The following CADM2 variants were observed in gnomAD, a reference collection of about 807,000 sequenced individuals.
CADM2 encodes the protein immunoglobulin superfamily member 4D.
Under a neutral mutation model 49.8 loss-of-function variants are expected in CADM2, and 12 were observed. The observed-to-expected ratio is 0.24, with a 90% CI of 0.15 to 0.39. The LOEUF (loss-of-function observed/expected upper bound fraction) is 0.39. Ranked by LOEUF, CADM2 falls within the 10% of genes least tolerant of loss-of-function variation. CADM2 has a pLI of 1.00. For missense variants in CADM2, 378 were observed against 492.3 expected, an observed-to-expected ratio of 0.77 and a Z score of 2.20; for synonymous variants, 214 against 175.4, an observed-to-expected ratio of 1.22 and a Z score of -1.74.
At chr3:85,948,145 T>C (rs916237659) in intron 7 of CADM2, among the ~76,000 whole-genome samples, 6 of 151,536 alleles carry the variant, frequency 4.0e-5, no homozygotes, top group African/African-American at 1.5e-4. Context: ...CTCTTTAAAG[T>C]TTGGAAACAT....
chr3:85,810,805 G>C (rs1490068770), intron 3 of CADM2, among the ~76,000 whole-genome samples: 4 of 152,116 alleles, frequency 2.6e-5, no homozygotes, highest in African/African-American at 9.7e-5. Flanking sequence ...CTCCCCAAGT[G>C]CTGGGATTAC....
chr3:85,541,724 A>G (rs1203487935), intron 1 of CADM2, among the ~76,000 whole-genome samples: 2 of 134,982 alleles, frequency 1.5e-5, no homozygotes, highest in Non-Finnish European at 3.1e-5. Flanking sequence ...TATATTATAT[A>G]TATATATTTT....
intron 1 of CADM2, among the ~76,000 whole-genome samples, chr3:85,243,442 G>A (rs926232894): frequency 6.6e-6 from 1 of 151,970 alleles, no homozygotes; most frequent in Non-Finnish European, 1.5e-5. Flanking sequence ...TGATTATAGG[G>A]TCATTTCCAA....
At chr3:85,791,282 G>A (rs1406836966) in intron 2 of CADM2, among the ~76,000 whole-genome samples, 1 of 152,050 alleles carries the variant, frequency 6.6e-6, no homozygotes, top group Admixed American at 6.6e-5. Flanking sequence ...GCTTTAGAAT[G>A]CAATATGTGC....
intron 1 of CADM2, among the ~76,000 whole-genome samples, chr3:85,613,120 G>A (rs912335877): frequency 6.6e-6 from 1 of 151,734 alleles, no homozygotes; most frequent in Non-Finnish European, 1.5e-5. Context: ...TTCATGATGT[G>A]AAAAGCTCTT....
At position 84,959,019 on chromosome 3, in the gene CADM2, C is replaced by T; in HGVS notation, c.-589C>T. On this transcript the variant is annotated 5_prime_UTR_variant, in exon 1 of 10. Transcript: ENST00000383699. The stretch of plus-strand genomic sequence containing the variant: ...GCTGCCGCCGTCGCCGCTGCCGCTG[C>T]CGCCACAGCCGCCGCTGCAGCCGGA... 1.5e-5 allele frequency: 3 copies of T among 201,850 alleles called. No individual in the cohort carries two copies. The highest frequency in any genetic ancestry group is 6.8e-5 in the South Asian group (1 of 14,610). The allele number at this position is 201,850 out of a possible 1,614,324, so 12.5% of individuals were successfully genotyped here. A position where few individuals can be genotyped will look rare whatever the true frequency, so the allele number is the denominator to read the frequency against.
intron 1 of CADM2, among the ~76,000 whole-genome samples, chr3:85,439,399 C>T (rs898461360): frequency 1.3e-5 from 2 of 149,716 alleles, no homozygotes; most frequent in East Asian, 2.0e-4. Context: ...CTGATTTGCC[C>T]GCCTCGGCCT....
chr3:85,164,840 C>T (rs916128281), intron 1 of CADM2, among the ~76,000 whole-genome samples: 3 of 151,826 alleles, frequency 2.0e-5, no homozygotes, highest in Admixed American at 2.0e-4. Context: ...AAATTAAAAT[C>T]GTGCTTTCAA....
In CADM2 at chr3:85,812,397, G is replaced by A. The variant is rs9878265; in HGVS notation, c.238+10201G>A. 2.7e-3 allele frequency among the ~76,000 whole-genome samples: 404 copies of A among 152,118 alleles called. 1 individual carries two copies. Among genetic ancestry groups the A allele is most frequent in the African/African-American group, 9.4e-3 (390 of 41,508 alleles). ...ATGTACCATTTGTCAAATATAAAGA[G>A]TAACAATGTACTGCACCGGGGCCTA... On this transcript the variant is annotated intron_variant, in intron 3 of 9. Transcript: ENST00000383699.
intron 1 of CADM2, among the ~76,000 whole-genome samples, chr3:85,403,020 T>A (rs757455845): frequency 7.2e-5 from 11 of 152,172 alleles, no homozygotes; most frequent in Non-Finnish European, 1.5e-4. Flanking sequence ...ACGGTAAACA[T>A]ACCTGAAAGG....
chr3:85,527,170 G>T lies in CADM2; in HGVS notation c.62-199352G>T, dbSNP rs563023408. ...GGATGCCAGGAAAGTAGGATAGCTTGCAGTGAGAAATTTGAGACCAGACTG... is the reference window on the plus strand; with the variant it reads ...GGATGCCAGGAAAGTAGGATAGCTTTCAGTGAGAAATTTGAGACCAGACTG... On this transcript the variant is annotated intron_variant, in intron 1 of 9. Transcript: ENST00000383699. 7.9e-5 allele frequency among the ~76,000 whole-genome samples: 12 copies of T among 152,080 alleles called. No individual in the cohort carries two copies. In the South Asian group the frequency reaches 2.3e-3, roughly 29 times the overall value.
intron 1 of CADM2, among the ~76,000 whole-genome samples, chr3:85,193,804 G>A (rs2041271159): frequency 6.6e-6 from 1 of 152,062 alleles, no homozygotes; most frequent in Non-Finnish European, 1.5e-5. Context: ...GTGACATAAA[G>A]GATCTTTTAA....
intron 1 of CADM2, among the ~76,000 whole-genome samples, chr3:85,235,354 A>G (rs149430291): frequency 6.6e-6 from 1 of 152,178 alleles, no homozygotes; most frequent in African/African-American, 2.4e-5. Flanking sequence ...TGATAAATAA[A>G]TTTGTACTGC....
At chr3:85,625,628 T>A (rs1455046611) in intron 1 of CADM2, among the ~76,000 whole-genome samples, 2 of 152,014 alleles carry the variant, frequency 1.3e-5, no homozygotes, top group Non-Finnish European at 2.9e-5. Context: ...CTATACATAA[T>A]ATTGATTGGC....
chr3:85,874,708 A>G (rs1711568596), intron 3 of CADM2, among the ~76,000 whole-genome samples: 1 of 152,064 alleles, frequency 6.6e-6, no homozygotes, highest in Non-Finnish European at 1.5e-5. Flanking sequence ...ACCAAAATAT[A>G]TTTTCTCAAG....
At chr3:85,985,856 A>G (rs1180238291) in intron 8 of CADM2, among the ~76,000 whole-genome samples, 4 of 152,022 alleles carry the variant, frequency 2.6e-5, no homozygotes, top group African/African-American at 9.7e-5. Flanking sequence ...ACTTTGGGCC[A>G]TTGTTGAAAG....
intron 7 of CADM2, among the ~76,000 whole-genome samples, chr3:85,937,405 G>A (rs1019416223): frequency 3.3e-5 from 5 of 151,756 alleles, no homozygotes; most frequent in Non-Finnish European, 5.9e-5. Flanking sequence ...AATAGATAAA[G>A]GAAATAAGAA....
chr3:85,708,607 A>G (rs939890082), intron 1 of CADM2, among the ~76,000 whole-genome samples: 2 of 152,170 alleles, frequency 1.3e-5, no homozygotes, highest in Non-Finnish European at 2.9e-5. Context: ...AACATAATAT[A>G]CCAATCTACT....
intron 6 of CADM2, among the ~76,000 whole-genome samples, chr3:85,915,531 G>A (rs558677517): frequency 1.3e-5 from 2 of 152,188 alleles, no homozygotes; most frequent in Admixed American, 1.3e-4. Context: ...CAATATTAGA[G>A]CAAATTGGTG....
Sources: allele counts gnomAD v4.1 joint callset (sites outside exome capture counted in the v4.1 genomes callset), GRCh38; gene constraint gnomAD v4.1.1; transcripts MANE v1.5; gene names NCBI Gene and HGNC (gene_info 2026-07-23, HGNC 2026-07-21).